TRIML2: variants seen among roughly 807,000 people sequenced by gnomAD.
TRIML2 encodes tripartite motif family like 2, also known as probable E3 ubiquitin-protein ligase TRIML2.
TRIML2 carries 28 observed loss-of-function variants against 31.2 expected under a neutral mutation model. That is an observed-to-expected ratio of 0.90 (90% CI 0.66 to 1.23). The LOEUF (loss-of-function observed/expected upper bound fraction) is 1.23, where lower values mean the gene tolerates loss of function less well. TRIML2 is among the 50% of genes most tolerant of loss of function. TRIML2 has a pLI of 0.00. For missense variants in TRIML2, 536 were observed against 528.3 expected (o/e 1.01, Z -0.14); for synonymous variants, 187 against 197.5 (o/e 0.95, Z 0.45).
At chr4:188,096,984 T>A in intron 7 of TRIML2, 77 bp downstream of exon 7, 1 of 1,123,370 alleles carries the variant, frequency 8.9e-7, no homozygotes, top group Non-Finnish European at 1.3e-6. Flanking sequence ...GGAATTTGTT[T>A]TCATTTATGG....
intron 4 of TRIML2, 76 bp downstream of exon 4, chr4:188,100,980 T>C (rs1221030259): frequency 7.3e-7 from 1 of 1,362,264 alleles, no homozygotes; most frequent in Non-Finnish European, 9.9e-7. Context: ...GGCTATGTTA[T>C]TTTGGAATTG....
chr4:188,107,180 A>C (rs1734077178), intron 1 of TRIML2, among the ~76,000 whole-genome samples: 3 of 151,766 alleles, frequency 2.0e-5, no homozygotes, highest in African/African-American at 7.3e-5. Context: ...ACACCCAGCT[A>C]ATTTTTTGTA....
Position 188,093,824 on chromosome 4 carries a change from G to T in TRIML2, c.746-1883C>A, listed in dbSNP as rs535600026. ...GCCATTAAAAAAAACTATAGCTAGG[G>T]CCAGGTGCGGTGGCTCACGCCTTTA... On this transcript the variant is annotated intron_variant, in intron 7 of 7. Coordinates refer to ENST00000682553, the MANE Select transcript of TRIML2 (RefSeq NM_173553.4). Among the ~76,000 whole-genome samples the T allele has an allele frequency of 1.6e-3, 248 of 152,136 alleles. 1 individual carries two copies. Among genetic ancestry groups the T allele is most frequent in the African/African-American group, 5.6e-3 (234 of 41,510 alleles).
At position 188,104,856 on chromosome 4, in the gene TRIML2, T is replaced by A; in HGVS notation, c.266A>T (p.Glu89Val). Residue 89 changes from glutamate to valine, a missense_variant, in exon 3 of 8, where the codon GAA (glutamate) becomes GTA (valine). Transcript: ENST00000682553. ...ACTGACCTGAATCATCGCCATTCTT[T>A]CTTGCTCATCAGTCAATATGCTTTT... is the stretch of plus-strand genomic sequence containing the variant. ...AAKSILTDEQ[E>V]RMAMIQEEEQ... is the part of the protein sequence containing the mutation. 1 of 1,614,056 alleles carries A rather than the reference T, an allele frequency of 6.2e-7. No homozygotes were observed. The highest frequency in any genetic ancestry group is 8.5e-7 in the Non-Finnish European group (1 of 1,179,926).
intron 5 of TRIML2, 41 bp from the exon 6 acceptor site, chr4:188,097,387 G>A (rs776078168): frequency 3.7e-6 from 6 of 1,607,198 alleles, no homozygotes; most frequent in Admixed American, 3.4e-5. Context: ...CTGGGTTTTT[G>A]AGCTGTTTTT....
At chr4:188,099,905 C>T (rs1158420894) in intron 4 of TRIML2, among the ~76,000 whole-genome samples, 2 of 151,756 alleles carry the variant, frequency 1.3e-5, no homozygotes, top group South Asian at 2.1e-4. Context: ...TTACTGATAT[C>T]AATTTTCTTT....
chr4:188,104,179 CT>C (rs1368107490), intron 3 of TRIML2, among the ~76,000 whole-genome samples: 1 of 152,130 alleles, frequency 6.6e-6, no homozygotes, highest in African/African-American at 2.4e-5. Context: ...TGTCGTTAAT[CT>C]TTTTGATCAT....
Position 188,105,285 on chromosome 4 carries a change from C to T in TRIML2, c.84G>A (p.Leu28=), listed in dbSNP as rs778312039. The T allele has an allele frequency of 1.9e-6, 3 of 1,612,652 alleles. No homozygotes were observed. The highest frequency in any genetic ancestry group is 2.2e-5 in the South Asian group (2 of 91,056). ...YCETHLEPTR[L]FCDVDQITLC... ...GTGTGATTTGGTCAACATCACAGAA[C>T]AGCCGTGTTGGTTCCAGGTGTGTTT... The change falls in exon 2 of 8, where the codon CTG becomes CTA. Residue 28 remains leucine, a synonymous_variant. Coordinates refer to ENST00000682553, the MANE Select transcript of TRIML2 (RefSeq NM_173553.4).
chr4:188,101,970 A>G lies in TRIML2; in HGVS notation c.286-720T>C, dbSNP rs375203565. ...ACGGTGAAACCCCGTCTCTACTAAA[A>G]ATACAAAAAATTAGCCGGGCTTGGT... On this transcript the variant is annotated intron_variant, in intron 3 of 7. Coordinates refer to ENST00000682553, the MANE Select transcript of TRIML2 (RefSeq NM_173553.4). 2.0e-4 allele frequency among the ~76,000 whole-genome samples: 30 copies of G among 151,550 alleles called. No individual in the cohort carries two copies. In the East Asian group the frequency reaches 5.8e-3, roughly 29 times the overall value.
chr4:188,109,160 A>ACG (rs113346273), intron 1 of TRIML2, 83 bp downstream of exon 1: 73,865 of 151,544 alleles, frequency 0.49, 18,837 homozygotes, highest in South Asian at 0.6. Flanking sequence ...ATACACACAC[A>ACG]CACACATAGA....
chr4:188,092,058 C>A, intron 7 of TRIML2, 117 bp from the exon 8 acceptor site: 1 of 1,032,832 alleles, frequency 9.7e-7, no homozygotes, highest in African/African-American at 1.6e-5. Context: ...GGCCCAGATA[C>A]GGGAGAGGCA....
At chr4:188,104,954 C>T in intron 2 of TRIML2, 22 bp from the exon 3 acceptor site, 2 of 1,591,614 alleles carry the variant, frequency 1.3e-6, no homozygotes, top group South Asian at 2.2e-5. Context: ...GCACAGAATT[C>T]CAGGTGAGAT....
chr4:188,092,049 G>A (rs778162540), intron 7 of TRIML2, 108 bp from the exon 8 acceptor site: 91 of 1,169,004 alleles, frequency 7.8e-5, no homozygotes, highest in Non-Finnish European at 1.0e-4. Context: ...CAAGTCCCAG[G>A]CCCAGATACG....
chr4:188,093,439 C>G (rs192782516), intron 7 of TRIML2, among the ~76,000 whole-genome samples: 1 of 151,848 alleles, frequency 6.6e-6, no homozygotes, highest in African/African-American at 2.4e-5. Context: ...TTTAGGAGGC[C>G]GAGGAGGACG....
At chr4:188,093,020 C>T (rs531978760) in intron 7 of TRIML2, 3 of 365,642 alleles carry the variant, frequency 8.2e-6, no homozygotes, top group South Asian at 4.1e-5. Context: ...GCTCCATAAA[C>T]AGCTAAATAC....
chr4:188,098,913 C>T lies in TRIML2; in HGVS notation c.621+122G>A, dbSNP rs142273844. 791 of 1,153,360 alleles carry T rather than the reference C, an allele frequency of 6.9e-4. 1 individual carries two copies. The highest frequency in any genetic ancestry group is 3.6e-3 in the Middle Eastern group (12 of 3,362). The allele number at this position is 1,153,360 out of a possible 1,614,324, so 71.4% of individuals were successfully genotyped here. ...GGCAGCTGAAAGAAAGTCATGTAGCCTTCTTTTGTGGTTGAAGATCATTGG... is the reference window on the plus strand; with the variant it reads ...GGCAGCTGAAAGAAAGTCATGTAGCTTTCTTTTGTGGTTGAAGATCATTGG... On this transcript the variant is annotated intron_variant, in intron 5 of 7. Coordinates refer to ENST00000682553, the MANE Select transcript of TRIML2 (RefSeq NM_173553.4).
Position 188,091,606 on chromosome 4 carries a change from G to C in TRIML2, c.1081C>G (p.Leu361Val). 6.2e-7 allele frequency: 1 copy of C among 1,614,172 alleles called. No individual in the cohort carries two copies. The highest frequency in any genetic ancestry group is 8.5e-7 in the Non-Finnish European group (1 of 1,180,028). The change falls in exon 8 of 8, where the codon CTC (leucine) becomes GTC (valine). Residue 361 changes from leucine to valine, a missense_variant. By Grantham distance (32) the Leu-to-Val change is conservative. Coordinates refer to ENST00000682553, the MANE Select transcript of TRIML2 (RefSeq NM_173553.4). ...TLWVFPPLKR[L>V]FLEKKLDTVG... The stretch of plus-strand genomic sequence containing the variant: ...GTGTCCAACTTCTTTTCCAGGAAGA[G>C]CCTTTTCAGAGGGGGGAAGACCCAG...
At chr4:188,100,354 A>T (rs1733719913) in intron 4 of TRIML2, among the ~76,000 whole-genome samples, 1 of 152,192 alleles carries the variant, frequency 6.6e-6, no homozygotes, top group Non-Finnish European at 1.5e-5. Context: ...GTCAAAGGTT[A>T]AGCAGCAGGT....
At chr4:188,103,194 G>A (rs1733880665) in intron 3 of TRIML2, among the ~76,000 whole-genome samples, 1 of 151,590 alleles carries the variant, frequency 6.6e-6, no homozygotes, top group Non-Finnish European at 1.5e-5. Context: ...TAGAGACGGG[G>A]TTTCACCGTG....
Sources: allele counts gnomAD v4.1 joint callset (sites outside exome capture counted in the v4.1 genomes callset), GRCh38; gene constraint gnomAD v4.1.1; transcripts MANE v1.5; gene names NCBI Gene and HGNC (gene_info 2026-07-23, HGNC 2026-07-21).